Variants in TMEM131L observed in about 807,000 individuals in gnomAD.
The protein encoded by TMEM131L is transmembrane 131 like, also known as transmembrane protein 131-like.
TMEM131L carries 54 observed loss-of-function variants against 192.2 expected under a neutral mutation model. The ratio of observed to expected loss-of-function variants is 0.28; its 90% CI spans 0.23 to 0.35. The LOEUF is 0.35. Among genes scored for constraint, TMEM131L ranks in the 10% least tolerant of loss-of-function variants. The probability of loss-of-function intolerance (pLI) is 1.00; values close to 1 mark genes in which losing one functional copy is unlikely to be tolerated. For missense variants in TMEM131L, 1,888 were observed against 1,972.9 expected (o/e 0.96, Z 0.82); for synonymous variants, 701 against 704.9 (o/e 0.99, Z 0.09).
chr4:153,479,474 A>G (rs1205032750), intron 3 of TMEM131L, among the ~76,000 whole-genome samples: 3 of 152,196 alleles, frequency 2.0e-5, no homozygotes, highest in Non-Finnish European at 4.4e-5. Flanking sequence ...TGCCCTGGGA[A>G]GCATGTCTGG....
chr4:153,513,569 A>G (rs897330337), intron 3 of TMEM131L, among the ~76,000 whole-genome samples: 4 of 152,336 alleles, frequency 2.6e-5, no homozygotes, highest in African/African-American at 9.6e-5. Context: ...GCATGAAAAT[A>G]TTTAATAATA....
At chr4:153,584,959 C>T (rs1307885094) in intron 12 of TMEM131L, 28 bp downstream of exon 12, 1 of 1,491,408 alleles carries the variant, frequency 6.7e-7, no homozygotes, top group Non-Finnish European at 9.4e-7. Context: ...TCCCTGAAAT[C>T]TTGTATGGTT....
At chr4:153,517,766 G>A (rs1734836020) in intron 3 of TMEM131L, among the ~76,000 whole-genome samples, 1 of 152,196 alleles carries the variant, frequency 6.6e-6, no homozygotes, top group African/African-American at 2.4e-5. Flanking sequence ...ATGCAGTCAT[G>A]TGTTCCCAAA....
Position 153,493,292 on chromosome 4 carries a change from G to T in TMEM131L, c.239+19404G>T, listed in dbSNP as rs1264910489. Among the ~76,000 whole-genome samples the T allele has an allele frequency of 2.7e-5, 4 of 147,016 alleles. 1 individual carries two copies. The South Asian group carries it at 8.7e-4, about 32-fold the overall frequency. On this transcript the variant is annotated intron_variant, in intron 3 of 34. Coordinates refer to ENST00000409959, the MANE Select transcript of TMEM131L (RefSeq NM_001131007.2). ...ACCCAGGAGGCGGAGCTTGCAGTGA[G>T]CGGAGATAGTGCCACTGCATTCCAG...
intron 7 of TMEM131L, among the ~76,000 whole-genome samples, chr4:153,573,591 A>T (rs1027725252): frequency 3.9e-5 from 6 of 152,368 alleles, no homozygotes; most frequent in African/African-American, 1.4e-4. Context: ...TGCCCAACAC[A>T]GATGACTTCC....
Position 153,487,394 on chromosome 4 carries a change from A to G in TMEM131L, c.239+13506A>G, listed in dbSNP as rs144949655. Among the ~76,000 whole-genome samples, 436 of 152,222 alleles carry G rather than the reference A, an allele frequency of 2.9e-3. 2 individuals are homozygous for G. The highest frequency in any genetic ancestry group is 4.2e-3 in the Admixed American group (64 of 15,296). ...GTGTGTCCGAAGAAGTTCTGCTGCA[A>G]TGATGCACATGGGGGTGGGGTTCCA... On this transcript the variant is annotated intron_variant, in intron 3 of 34. Transcript: ENST00000409959.
chr4:153,495,246 G>A (rs1014176875), intron 3 of TMEM131L, among the ~76,000 whole-genome samples: 1 of 152,048 alleles, frequency 6.6e-6, no homozygotes, highest in Non-Finnish European at 1.5e-5. Context: ...GAACCTGGGA[G>A]GCATCCTAGG....
intron 10 of TMEM131L, 152 bp from the exon 11 acceptor site, chr4:153,583,412 A>G: frequency 2.7e-6 from 2 of 753,536 alleles, no homozygotes; most frequent in South Asian, 3.0e-5. Flanking sequence ...TTGTATGAAG[A>G]TTGTCAGCAT....
At position 153,632,837 on chromosome 4, in the gene TMEM131L, A is replaced by G; in HGVS notation, c.4327A>G (p.Ser1443Gly). The G allele has an allele frequency of 6.2e-7, 1 of 1,614,136 alleles. No individual in the cohort carries two copies. The highest frequency in any genetic ancestry group is 1.1e-5 in the South Asian group (1 of 91,084). Residue 1443 changes from serine (S) to glycine (G), a missense_variant and splice_region_variant, in exon 32 of 35, where the codon AGT becomes GGT. Transcript: ENST00000409959. ...VIQESAPVHN[S>G]FIDWSATCEG... ...TCAGGAGTCGGCCCCGGTTCATAAT[A>G]GGTACAGCTTCACTTCTCTGATTGG...
In TMEM131L at chr4:153,635,450, A is replaced by G. The variant is rs576537669; in HGVS notation, c.4436A>G (p.Asn1479Ser). ...AFPEENMNYA[N>S]GFPCPADVQT... The stretch of plus-strand genomic sequence containing the variant: ...TTTGTAGAAAACATGAACTATGCCA[A>G]TGGCTTCCCCTGTCCTGCAGATGTT... The change falls in exon 34 of 35, where the codon AAT (asparagine) becomes AGT (serine). Residue 1479 changes from asparagine (N) to serine (S), a missense_variant. By Grantham distance (46) the Asn-to-Ser change is conservative. Transcript: ENST00000409959. 26 of 1,614,050 alleles carry G rather than the reference A, an allele frequency of 1.6e-5. No homozygotes were observed. The South Asian group carries it at 2.1e-4, about 13-fold the overall frequency.
intron 3 of TMEM131L, among the ~76,000 whole-genome samples, chr4:153,530,850 C>T (rs192554030): frequency 1.4e-3 from 208 of 152,294 alleles, no homozygotes; most frequent in African/African-American, 4.3e-3. Context: ...GAGGCACCAG[C>T]ACCCCTTGTG....
chr4:153,636,271 C>A, intron 34 of TMEM131L, 30 bp from the exon 35 acceptor site: 1 of 1,572,826 alleles, frequency 6.4e-7, no homozygotes, highest in Admixed American at 1.9e-5. Context: ...TTTCTTTTAA[C>A]TTATTTTTCC....
intron 3 of TMEM131L, among the ~76,000 whole-genome samples, chr4:153,489,795 C>T (rs945356490): frequency 3.3e-5 from 5 of 150,844 alleles, no homozygotes; most frequent in Admixed American, 6.6e-5. Flanking sequence ...TTTTTTCTTG[C>T]GGAAAATAAG....
intron 7 of TMEM131L, among the ~76,000 whole-genome samples, chr4:153,564,708 C>T (rs1180258479): frequency 6.6e-6 from 1 of 152,132 alleles, no homozygotes; most frequent in Non-Finnish European, 1.5e-5. Flanking sequence ...TGGTTTTCTT[C>T]CAGTCATTCT....
At chr4:153,495,403 A>G (rs1013729210) in intron 3 of TMEM131L, among the ~76,000 whole-genome samples, 9 of 152,052 alleles carry the variant, frequency 5.9e-5, no homozygotes, top group African/African-American at 2.2e-4. Flanking sequence ...TCCTGTGCCC[A>G]GGGTGGTCGG....
intron 24 of TMEM131L, 33 bp from the exon 25 acceptor site, chr4:153,603,769 C>T (rs768777821): frequency 6.5e-6 from 10 of 1,547,776 alleles, no homozygotes; most frequent in Non-Finnish European, 8.7e-6. Flanking sequence ...TTTGATTTGC[C>T]TCTATGCTAA....
chr4:153,567,141 C>T (rs1326412857), intron 7 of TMEM131L, among the ~76,000 whole-genome samples: 1 of 152,186 alleles, frequency 6.6e-6, no homozygotes, highest in African/African-American at 2.4e-5. Context: ...GAAAGCCTTT[C>T]AATCACAGTT....
Position 153,591,060 on chromosome 4 carries a change from G to A in TMEM131L, c.1678G>A (p.Val560Ile). 6.3e-7 allele frequency: 1 copy of A among 1,579,962 alleles called. No homozygotes were observed. Among genetic ancestry groups the A allele is most frequent in the South Asian group, 1.2e-5 (1 of 85,246 alleles). ...YKNGDVCKRN[V>I]LGTTRFAHLK... The stretch of plus-strand genomic sequence containing the variant: ...TCTTTATCAATTAAACAGGAGGAAT[G>A]TTTTGGGAACAACTCGATTTGCTCA... Residue 560 changes from valine (V) to isoleucine (I), a missense_variant, in exon 17 of 35, where the codon GTT becomes ATT. Coordinates refer to ENST00000409959, the MANE Select transcript of TMEM131L (RefSeq NM_001131007.2).
At chr4:153,504,660 C>G (rs1733866610) in intron 3 of TMEM131L, among the ~76,000 whole-genome samples, 2 of 152,046 alleles carry the variant, frequency 1.3e-5, no homozygotes, top group South Asian at 4.1e-4. Context: ...TATAAATTTT[C>G]TTATAAATAA....
Sources: gnomAD v4.1 joint callset for allele counts (sites outside exome capture counted in the v4.1 genomes callset) on GRCh38, gnomAD v4.1.1 for gene constraint, MANE v1.5 for transcripts, NCBI Gene and HGNC (gene_info 2026-07-23, HGNC 2026-07-21) for gene names.